Variants in NCKAP5 observed in about 807,000 individuals in gnomAD.
The protein encoded by NCKAP5 is NCK associated protein 5, also known as nck-associated protein 5.
A neutral mutation model predicts 167.0 loss-of-function variants in NCKAP5; 92 were observed. That is an observed-to-expected ratio of 0.55 (90% CI 0.47 to 0.66). The LOEUF is 0.66. Ranked by LOEUF, NCKAP5 falls within the 30% of genes least tolerant of loss-of-function variation. The probability of loss-of-function intolerance (pLI) is 0.00; values close to 1 mark genes in which losing one functional copy is unlikely to be tolerated. For synonymous variants in NCKAP5, 891 were observed against 877.4 expected (o/e 1.02, Z -0.27); for missense variants, 2,378 against 2,315.0 (o/e 1.03, Z -0.56).
At chr2:132,744,433 T>C (rs997389746) in intron 16 of NCKAP5, among the ~76,000 whole-genome samples, 1 of 151,560 alleles carries the variant, frequency 6.6e-6, no homozygotes. Flanking sequence ...TTCCTGTGTA[T>C]TAAATGGAAA....
chr2:133,037,987 A>C (rs59818946), intron 6 of NCKAP5, among the ~76,000 whole-genome samples: 1 of 151,962 alleles, frequency 6.6e-6, no homozygotes, highest in Non-Finnish European at 1.5e-5. Context: ...TGAGGATGTC[A>C]ACAAAAGAGA....
chr2:133,455,533 T>C (rs1469167237), intron 3 of NCKAP5, among the ~76,000 whole-genome samples: 1 of 152,146 alleles, frequency 6.6e-6, no homozygotes, highest in Non-Finnish European at 1.5e-5. Context: ...TATAAGATGA[T>C]CATTCTCCAT....
At chr2:133,605,090 C>T in the NCKAP5 span, among the ~76,000 whole-genome samples, 293 of 152,250 alleles carry the variant, frequency 1.9e-3, 1 homozygote, top group Non-Finnish European at 3.1e-3. Flanking sequence ...TCTACCTCCC[C>T]GGGCTGTTTG....
chr2:132,784,140 G>A lies in NCKAP5; in HGVS notation c.2671C>T (p.Gln891Ter). 6.6e-7 allele frequency: 1 copy of A among 1,525,052 alleles called. No individual in the cohort carries two copies. Among genetic ancestry groups the A allele is most frequent in the Non-Finnish European group, 8.8e-7 (1 of 1,139,122 alleles). 94.5% of individuals were successfully genotyped at this position (1,525,052 alleles called of 1,614,324 possible). A position where few individuals can be genotyped will look rare whatever the true frequency, so the allele number is the denominator to read the frequency against. ...GGCCTTGACCGTGACCCTGGAGTCT[G>A]ACTCTTGGGGCACTGGACCCAGTCC... ...RRDWVQCPKS[Q>*]TPGSRSRPAI... The change falls in exon 14 of 20, where the codon CAG becomes TAG. Residue 891 changes from glutamine to a stop codon, truncating the protein, a stop_gained. Coordinates refer to ENST00000409261, the MANE Select transcript of NCKAP5 (RefSeq NM_207363.3). LOFTEE classifies it high-confidence loss of function.
intron 4 of NCKAP5, among the ~76,000 whole-genome samples, chr2:133,226,138 GC>G (rs933670928): frequency 6.6e-6 from 1 of 151,726 alleles, no homozygotes; most frequent in Non-Finnish European, 1.5e-5. Flanking sequence ...ACACGGACTT[GC>G]TCTGTTGCCC....
intron 6 of NCKAP5, among the ~76,000 whole-genome samples, chr2:133,075,493 G>A (rs2080568785): frequency 6.6e-6 from 1 of 152,110 alleles, no homozygotes; most frequent in African/African-American, 2.4e-5. Context: ...ATGCTTGACT[G>A]TTGAAAGCAA....
chr2:132,707,727 A>T (rs534717569), intron 19 of NCKAP5, among the ~76,000 whole-genome samples: 2 of 152,296 alleles, frequency 1.3e-5, no homozygotes, highest in East Asian at 3.9e-4. Context: ...TACAATAGTG[A>T]ACATGAGGGT....
rs753878031 is a variant in NCKAP5, at chr2:133,213,700, G to A, written c.207+16C>T. 8.1e-6 allele frequency: 13 copies of A among 1,612,928 alleles called. No individual in the cohort carries two copies. The highest frequency in any genetic ancestry group is 4.5e-5 in the East Asian group (2 of 44,872). Reference sequence around the variant, plus strand: ...TCTGGATGTTGTGGAATGAGGGGACGGCAGTCAGGACTTACCATGGCCCCC... The same window carrying A: ...TCTGGATGTTGTGGAATGAGGGGACAGCAGTCAGGACTTACCATGGCCCCC... On this transcript the variant is annotated intron_variant, in intron 5 of 19. Coordinates refer to ENST00000409261, the MANE Select transcript of NCKAP5 (RefSeq NM_207363.3).
At chr2:133,235,408 C>T (rs1221851956) in intron 4 of NCKAP5, among the ~76,000 whole-genome samples, 5 of 152,008 alleles carry the variant, frequency 3.3e-5, no homozygotes, top group African/African-American at 1.2e-4. Flanking sequence ...AAAATGGCCC[C>T]CAATTACAGT....
chr2:133,375,498 T>C (rs192046003), intron 3 of NCKAP5, among the ~76,000 whole-genome samples: 301 of 152,310 alleles, frequency 2.0e-3, no homozygotes, highest in Non-Finnish European at 3.2e-3. Flanking sequence ...AATAGGTAAA[T>C]GTGTGTCATG....
chr2:133,640,344 A>G, the NCKAP5 span, among the ~76,000 whole-genome samples: 1 of 152,224 alleles, frequency 6.6e-6, no homozygotes, highest in African/African-American at 2.4e-5. Flanking sequence ...TCACATGAGT[A>G]GGGAAGGTTT....
At chr2:133,380,484 A>C (rs1686443767) in intron 3 of NCKAP5, among the ~76,000 whole-genome samples, 1 of 152,220 alleles carries the variant, frequency 6.6e-6, no homozygotes, top group Admixed American at 6.5e-5. Context: ...TTTCCTCTAC[A>C]TTCTACTCTT....
At chr2:133,546,044 A>G (rs528102600) in intron 2 of NCKAP5, among the ~76,000 whole-genome samples, 1 of 152,284 alleles carries the variant, frequency 6.6e-6, no homozygotes, top group African/African-American at 2.4e-5. Context: ...CAAAACCAGA[A>G]ATGCTGAAAC....
chr2:133,558,150 C>T (rs1345631320), intron 2 of NCKAP5: 1 of 152,202 alleles, frequency 6.6e-6, no homozygotes, highest in Non-Finnish European at 1.5e-5. Context: ...TTTGGTCTCC[C>T]TTTCGTTTGG....
At chr2:132,989,320 T>G (rs1232429925) in intron 7 of NCKAP5, among the ~76,000 whole-genome samples, 2 of 152,202 alleles carry the variant, frequency 1.3e-5, no homozygotes, top group Non-Finnish European at 2.9e-5. Flanking sequence ...TTTTCTAACA[T>G]AAGTTCCCTA....
At chr2:132,802,528 G>A (rs1685122529) in intron 11 of NCKAP5, among the ~76,000 whole-genome samples, 1 of 152,140 alleles carries the variant, frequency 6.6e-6, no homozygotes, top group Non-Finnish European at 1.5e-5. Flanking sequence ...CCTGGAGTGA[G>A]TTATTATGAA....
chr2:132,684,665 G>A (rs576465200), intron 19 of NCKAP5, among the ~76,000 whole-genome samples: 91 of 152,200 alleles, frequency 6.0e-4, no homozygotes, highest in African/African-American at 1.8e-3. Context: ...AATACCATTC[G>A]GAGTGGCTAA....
intron 11 of NCKAP5, among the ~76,000 whole-genome samples, chr2:132,839,954 C>T (rs1054626923): frequency 1.3e-5 from 2 of 151,882 alleles, no homozygotes; most frequent in Admixed American, 1.3e-4. Flanking sequence ...TTTACAGTAG[C>T]GTACTGTATT....
chr2:132,950,191 G>T (rs1228928810), intron 8 of NCKAP5, among the ~76,000 whole-genome samples: 3 of 152,092 alleles, frequency 2.0e-5, no homozygotes, highest in African/African-American at 7.2e-5. Context: ...TTTTGAAAAA[G>T]TCTCCGTTTT....
Sources: gnomAD v4.1 joint callset for allele counts (sites outside exome capture counted in the v4.1 genomes callset) on GRCh38, gnomAD v4.1.1 for gene constraint, MANE v1.5 for transcripts, NCBI Gene and HGNC (gene_info 2026-07-23, HGNC 2026-07-21) for gene names.